Variants in BCAS3 observed in about 807,000 individuals in gnomAD.
BCAS3 encodes the protein BCAS4/BCAS3 fusion.
Under a neutral mutation model 116.1 loss-of-function variants are expected in BCAS3, and 53 were observed. The observed-to-expected ratio is 0.46, with a 90% confidence interval of 0.37 to 0.57. The LOEUF (loss-of-function observed/expected upper bound fraction) is 0.57, where lower values mean the gene tolerates loss of function less well. Among genes scored for constraint, BCAS3 ranks in the 20% least tolerant of loss-of-function variants. The pLI is 0.00. For missense variants in BCAS3, 917 were observed against 1,165.4 expected (o/e 0.79, Z 3.10); for synonymous variants, 391 against 408.2 (o/e 0.96, Z 0.51).
At chr17:61,289,838 C>T (rs1021774013) in intron 22 of BCAS3, among the ~76,000 whole-genome samples, 64 of 152,092 alleles carry the variant, frequency 4.2e-4, no homozygotes, top group Non-Finnish European at 1.6e-4. Context: ...GAGTAAGTAA[C>T]ATTTTTGCAC....
chr17:61,075,089 CT>C, intron 20 of BCAS3, 69 bp downstream of exon 20: 1 of 1,292,384 alleles, frequency 7.7e-7, no homozygotes, highest in Non-Finnish European at 1.1e-6. Context: ...TATTCTTTTC[CT>C]TAGAGGTAAA....
rs184558132 is a variant in BCAS3, at chr17:61,046,838, C to T, written c.2029+5946C>T. On this transcript the variant is annotated intron_variant, in intron 19 of 23. Transcript: ENST00000407086. The stretch of plus-strand genomic sequence containing the variant: ...AAGTGAAGCAGACTTGTACAAACTC[C>T]GGAAATTATAATAATAGTAGACAAA... Among the ~76,000 whole-genome samples the T allele has an allele frequency of 7.9e-5, 12 of 151,498 alleles. 1 individual carries two copies. Among genetic ancestry groups the T allele is most frequent in the East Asian group, 3.9e-4 (2 of 5,190 alleles).
At chr17:61,284,270 A>G (rs542923115) in intron 22 of BCAS3, among the ~76,000 whole-genome samples, 2 of 152,202 alleles carry the variant, frequency 1.3e-5, no homozygotes, top group Non-Finnish European at 2.9e-5. Context: ...GTTCCCTTCT[A>G]TGTCAGGAAG....
chr17:60,821,977 G>T (rs2050007350), intron 7 of BCAS3, among the ~76,000 whole-genome samples: 1 of 152,134 alleles, frequency 6.6e-6, no homozygotes. Context: ...TTATTATATT[G>T]GATTAGTTTA....
In BCAS3 at chr17:61,070,340, A is replaced by C. The variant is rs762618415; in HGVS notation, c.2030-4580A>C. The C allele has an allele frequency of 9.5e-5, 66 of 694,474 alleles. 1 individual carries two copies. The highest frequency in any genetic ancestry group is 8.5e-4 in the South Asian group (62 of 73,350). The allele number at this position is 694,474 out of a possible 1,614,324, so 43.0% of individuals were successfully genotyped here. On this transcript the variant is annotated intron_variant, in intron 19 of 23. Coordinates refer to ENST00000407086, the MANE Select transcript of BCAS3 (RefSeq NM_017679.5). ...GTTGCCAACAAAATTGGGATCATCT[A>C]AACTGAGTCCAGCTGCCTAATTCTG...
chr17:61,037,581 G>A lies in BCAS3; in HGVS notation c.1763-308G>A, dbSNP rs2067135474. On this transcript the variant is annotated intron_variant, in intron 17 of 23. Transcript: ENST00000407086. This position sits in a 1 kb window ranked among gnomAD's most constrained non-coding sequence, Gnocchi z 4.7. ...GAGGTCAGGAGTTCGAGACCAGCCT[G>A]ACCAACACGGCGAAACCCTATCTCT... Among the ~76,000 whole-genome samples, 1 of 152,082 alleles carries A rather than the reference G, an allele frequency of 6.6e-6. No homozygotes were observed. The highest frequency in any genetic ancestry group is 1.5e-5 in the Non-Finnish European group (1 of 68,012).
chr17:60,996,330 G>A (rs2063833140), intron 15 of BCAS3, among the ~76,000 whole-genome samples: 1 of 152,174 alleles, frequency 6.6e-6, no homozygotes, highest in Non-Finnish European at 1.5e-5. Context: ...GAGGTTTGGA[G>A]TAAGTTGTTT....
In BCAS3 at chr17:61,388,878, A is replaced by G. The variant is rs2059987290; in HGVS notation, c.2594-3099A>G. 4.7e-6 allele frequency: 3 copies of G among 644,044 alleles called. No individual in the cohort carries two copies. The African/African-American group carries it at 5.5e-5, about 12-fold the overall frequency. The allele number at this position is 644,044 out of a possible 1,614,324, so 39.9% of individuals were successfully genotyped here. ...AGGAGGCGTGGAGAAAAGCGCCCACAAAGCTGCCCCGGGGCCAGCAGGCCC... is the reference window on the plus strand; with the variant it reads ...AGGAGGCGTGGAGAAAAGCGCCCACGAAGCTGCCCCGGGGCCAGCAGGCCC... On this transcript the variant is annotated intron_variant, in intron 23 of 23. Transcript: ENST00000407086. The surrounding 1 kb of genome is among the most constrained non-coding windows in gnomAD (Gnocchi z 6.5).
At chr17:61,382,709 C>T (rs1416492902) in intron 23 of BCAS3, 2 of 151,754 alleles carry the variant, frequency 1.3e-5, no homozygotes, top group Non-Finnish European at 2.9e-5. Context: ...AAAGCCTGTA[C>T]CACAATGATT....
At chr17:60,923,784 T>A (rs1026672778) in intron 12 of BCAS3, among the ~76,000 whole-genome samples, 1 of 152,144 alleles carries the variant, frequency 6.6e-6, no homozygotes, top group Non-Finnish European at 1.5e-5. Context: ...TAAAAGAAAC[T>A]CCATTTGAGA....
At chr17:60,870,833 C>T (rs1219206253) in intron 8 of BCAS3, among the ~76,000 whole-genome samples, 1 of 152,142 alleles carries the variant, frequency 6.6e-6, no homozygotes, top group Admixed American at 6.5e-5. Flanking sequence ...CAACAAAAAA[C>T]GATGCCATGT....
intron 7 of BCAS3, among the ~76,000 whole-genome samples, chr17:60,863,725 G>A (rs545241501): frequency 4.6e-5 from 7 of 151,838 alleles, no homozygotes; most frequent in Non-Finnish European, 7.4e-5. Context: ...ACAGAGTGAG[G>A]CCCTGTATCT....
intron 15 of BCAS3, among the ~76,000 whole-genome samples, chr17:61,000,168 G>A (rs1434695418): frequency 6.6e-6 from 1 of 152,118 alleles, no homozygotes; most frequent in African/African-American, 2.4e-5. Flanking sequence ...GTAGTACTAT[G>A]TTGAATAGGA....
rs71150606 is a variant in BCAS3, at chr17:61,337,112, C to CA, written c.2426-31206dup. On this transcript the variant is annotated intron_variant, in intron 22 of 23. Transcript: ENST00000407086. This position sits in a 1 kb window ranked among gnomAD's most constrained non-coding sequence, Gnocchi z 4.8. ...TGGGTGACAGAGCAAGACTCCATCT[C>CA]AAAAAAAAACAACAACAAACTTTAT... 3.9e-4 allele frequency among the ~76,000 whole-genome samples: 58 copies of CA among 150,092 alleles called. No homozygotes were observed. The highest frequency in any genetic ancestry group is 7.9e-4 in the East Asian group (4 of 5,094).
chr17:61,147,438 G>A (rs1457775476), intron 22 of BCAS3, among the ~76,000 whole-genome samples: 1 of 152,100 alleles, frequency 6.6e-6, no homozygotes, highest in Non-Finnish European at 1.5e-5. Flanking sequence ...TGCCAGGCTG[G>A]TCTTGAACTC....
intron 13 of BCAS3, among the ~76,000 whole-genome samples, chr17:60,928,079 C>G (rs1282927522): frequency 2.0e-5 from 3 of 152,172 alleles, no homozygotes; most frequent in Admixed American, 6.5e-5. Flanking sequence ...ATACCTCTTT[C>G]ACTAGTGACT....
chr17:61,336,488 C>T (rs1367843315), intron 22 of BCAS3, among the ~76,000 whole-genome samples: 1 of 152,166 alleles, frequency 6.6e-6, no homozygotes, highest in African/African-American at 2.4e-5. Context: ...GTGGGTCTTT[C>T]TAGAAACCTT....
At chr17:61,231,248 A>G (rs905589320) in intron 22 of BCAS3, among the ~76,000 whole-genome samples, 5 of 152,070 alleles carry the variant, frequency 3.3e-5, no homozygotes, top group Non-Finnish European at 7.4e-5. Flanking sequence ...AGAAGTGTCT[A>G]TTCATGTCCT....
At chr17:61,273,553 T>C (rs1440292453) in intron 22 of BCAS3, among the ~76,000 whole-genome samples, 1 of 152,162 alleles carries the variant, frequency 6.6e-6, no homozygotes, top group African/African-American at 2.4e-5. Flanking sequence ...TTTATTTATG[T>C]ATATCCTATT....
Sources: allele counts gnomAD v4.1 joint callset (sites outside exome capture counted in the v4.1 genomes callset), GRCh38; gene constraint gnomAD v4.1.1; non-coding constraint Gnocchi (gnomAD v3.1); transcripts MANE v1.5; gene names NCBI Gene and HGNC (gene_info 2026-07-23, HGNC 2026-07-21).